FGD6: variants seen among roughly 807,000 people sequenced by gnomAD.
The protein encoded by FGD6 is FYVE, RhoGEF and PH domain-containing protein 6.
FGD6 carries 90 observed loss-of-function variants against 149.4 expected under a neutral mutation model. The ratio of observed to expected loss-of-function variants is 0.60; its 90% CI spans 0.51 to 0.72. The LOEUF is 0.72. FGD6 is among the 30% of genes least tolerant of loss of function. The pLI, the probability that FGD6 is intolerant of heterozygous loss-of-function variation, is 0.00. For synonymous variants in FGD6, 527 were observed against 584.0 expected (o/e 0.90, Z 1.41); for missense variants, 1,437 against 1,684.8 (o/e 0.85, Z 2.57).
At chr12:95,120,296 C>A (rs1237140727) in intron 8 of FGD6, among the ~76,000 whole-genome samples, 7 of 147,652 alleles carry the variant, frequency 4.7e-5, no homozygotes, top group Non-Finnish European at 9.2e-5. Context: ...ATTTCAGATT[C>A]TTTTCTTGGG....
At chr12:95,113,532 G>T in intron 9 of FGD6, 119 bp downstream of exon 9, 4 of 782,180 alleles carry the variant, frequency 5.1e-6, no homozygotes, top group Non-Finnish European at 8.4e-6. Flanking sequence ...CACCGCACCT[G>T]CCCTTCAAGT....
chr12:95,186,987 T>A (rs1261472737), intron 2 of FGD6, among the ~76,000 whole-genome samples: 2 of 152,202 alleles, frequency 1.3e-5, no homozygotes, highest in East Asian at 3.8e-4. Context: ...AAAGCTCGTT[T>A]GCTCACTCAC....
chr12:95,129,750 G>T (rs982381719), intron 8 of FGD6, among the ~76,000 whole-genome samples: 12 of 152,142 alleles, frequency 7.9e-5, no homozygotes, highest in Admixed American at 6.6e-5. Flanking sequence ...TCAGCTCACT[G>T]CAACGTCCAC....
rs537168301 is a variant in FGD6, at chr12:95,115,212, G to T, written c.3083-1511C>A. Among the ~76,000 whole-genome samples the T allele has an allele frequency of 2.0e-4, 29 of 148,012 alleles. 1 individual carries two copies. In the East Asian group the frequency reaches 5.6e-3, roughly 28 times the overall value. On this transcript the variant is annotated intron_variant, in intron 8 of 20. Transcript: ENST00000343958. ...TTAGTCAGGGGCTTTGCACAAAGGG[G>T]ACAATAAATGCTTACTGAATAAAAA...
intron 3 of FGD6, among the ~76,000 whole-genome samples, chr12:95,161,968 G>C (rs1436226182): frequency 6.6e-6 from 1 of 151,302 alleles, no homozygotes; most frequent in African/African-American, 2.4e-5. Context: ...ATTAAAAGTA[G>C]GTGTTAGAAG....
intron 8 of FGD6, among the ~76,000 whole-genome samples, chr12:95,127,189 C>A (rs921461872): frequency 2.0e-5 from 3 of 151,896 alleles, no homozygotes; most frequent in African/African-American, 7.3e-5. Flanking sequence ...ATACAATTAA[C>A]CCTAGGTTTT....
intron 11 of FGD6, among the ~76,000 whole-genome samples, 176 bp from the exon 12 acceptor site, chr12:95,107,807 C>T (rs1056359689): frequency 6.6e-6 from 1 of 152,084 alleles, no homozygotes; most frequent in Non-Finnish European, 1.5e-5. Flanking sequence ...ATTTAGGAAT[C>T]GGACAAGCAA....
chr12:95,139,826 G>A (rs76083590), intron 6 of FGD6, among the ~76,000 whole-genome samples: 1,568 of 151,076 alleles, frequency 0.01, 27 homozygotes, highest in African/African-American at 0.035. Context: ...TACTAGAGAC[G>A]AGGTTTTGCC....
intron 2 of FGD6, among the ~76,000 whole-genome samples, chr12:95,173,929 A>G (rs926043392): frequency 2.6e-5 from 4 of 152,204 alleles, no homozygotes; most frequent in Non-Finnish European, 5.9e-5. Context: ...TACACATGGT[A>G]GGATACAGAC....
intron 8 of FGD6, among the ~76,000 whole-genome samples, chr12:95,119,831 G>A (rs1879134486): frequency 2.0e-5 from 3 of 152,170 alleles, no homozygotes; most frequent in Admixed American, 1.3e-4. Flanking sequence ...GAGGCAGGAG[G>A]ATCGCTTGAA....
chr12:95,164,400 T>C (rs1263189444), intron 3 of FGD6, among the ~76,000 whole-genome samples: 1 of 152,072 alleles, frequency 6.6e-6, no homozygotes, highest in Non-Finnish European at 1.5e-5. Context: ...ATCATATGTG[T>C]TCACTACAAG....
In FGD6 at chr12:95,211,084, A is replaced by G; in HGVS notation, c.200T>C (p.Ile67Thr). ...KVLKTSPVREIGQSPSRKIML... is the reference protein window; with the variant it reads ...KVLKTSPVRETGQSPSRKIML... The stretch of plus-strand genomic sequence containing the variant: ...GATTTTCCTTGATGGCGACTGCCCA[A>G]TCTCTCGAACAGGTGAGGTCTTCAG... Residue 67 changes from isoleucine to threonine, a missense_variant, in exon 2 of 21, where the codon ATT (isoleucine) becomes ACT (threonine). Ile to Thr is a moderately conservative substitution (Grantham distance 89). This residue lies in a region of FGD6 where 1,055 missense variants were observed against 1,146.0 expected (regional missense o/e 0.92). Coordinates refer to ENST00000343958, the MANE Select transcript of FGD6 (RefSeq NM_018351.4). 6.2e-7 allele frequency: 1 copy of G among 1,614,146 alleles called. No homozygotes were observed. The highest frequency in any genetic ancestry group is 8.5e-7 in the Non-Finnish European group (1 of 1,180,034).
chr12:95,155,103 T>C (rs192028984), intron 3 of FGD6, among the ~76,000 whole-genome samples: 1 of 152,318 alleles, frequency 6.6e-6, no homozygotes, highest in Admixed American at 6.5e-5. Context: ...AAAATATGAC[T>C]ATATATGTTC....
At position 95,085,806 on chromosome 12, in the gene FGD6, CTTTATTT is replaced by C. The variant is rs1877845829; in HGVS notation, c.4074_4080del (p.Asn1359TyrfsTer20). 6.2e-7 allele frequency: 1 copy of C among 1,613,758 alleles called. No individual in the cohort carries two copies. Among genetic ancestry groups the C allele is most frequent in the Non-Finnish European group, 8.5e-7 (1 of 1,179,904 alleles). On this transcript the variant is annotated frameshift_variant, in exon 19 of 21. Transcript: ENST00000343958. LOFTEE classifies it high-confidence loss of function. ...TCACTTGCAGCATATGTATATAGTA[CTTTATTT>C]TTTATGACAAACCAAAAGTGTTTCC... is the stretch of plus-strand genomic sequence containing the variant.
intron 5 of FGD6, among the ~76,000 whole-genome samples, chr12:95,142,267 G>A (rs1447349381): frequency 2.0e-5 from 3 of 151,256 alleles, no homozygotes; most frequent in Admixed American, 6.6e-5. Flanking sequence ...TCAGCCTCCC[G>A]AGTAGCTGGG....
chr12:95,084,172 T>C (rs574994742), intron 20 of FGD6, among the ~76,000 whole-genome samples: 2 of 152,324 alleles, frequency 1.3e-5, no homozygotes, highest in South Asian at 2.1e-4. Context: ...CTTACCCTCA[T>C]AGAAGGAGAG....
chr12:95,146,827 T>C (rs563030603), intron 5 of FGD6, among the ~76,000 whole-genome samples: 29 of 152,268 alleles, frequency 1.9e-4, no homozygotes, highest in Admixed American at 5.9e-4. Context: ...TTTTGAGATA[T>C]TAACATACCA....
At chr12:95,185,019 G>A (rs944709388) in intron 2 of FGD6, among the ~76,000 whole-genome samples, 23 of 151,780 alleles carry the variant, frequency 1.5e-4, no homozygotes, top group Admixed American at 3.3e-4. Context: ...GATGACAGGC[G>A]CCAGCCACCA....
At chr12:95,165,229 A>T (rs999905650) in intron 3 of FGD6, among the ~76,000 whole-genome samples, 3 of 152,146 alleles carry the variant, frequency 2.0e-5, no homozygotes, top group Non-Finnish European at 4.4e-5. Context: ...AAAAACCCCA[A>T]CTTGGGGTTC....
Sources: allele counts gnomAD v4.1 joint callset (sites outside exome capture counted in the v4.1 genomes callset), GRCh38; gene constraint gnomAD v4.1.1; regional missense constraint gnomAD v4.1.1; transcripts MANE v1.5; gene names NCBI Gene and HGNC (gene_info 2026-07-23, HGNC 2026-07-21).